Variants in COL5A3 observed in about 807,000 individuals in gnomAD.
The protein encoded by COL5A3 is collagen alpha-3(V) chain.
COL5A3 carries 172 observed loss-of-function variants against 250.0 expected under a neutral mutation model. The observed-to-expected ratio is 0.69, with a 90% CI of 0.61 to 0.78. The LOEUF is 0.78. Among genes scored for constraint, COL5A3 ranks in the 30% least tolerant of loss-of-function variants. The pLI is 0.00. For missense variants in COL5A3, 2,340 were observed against 2,334.4 expected (o/e 1.00, Z -0.05); for synonymous variants, 937 against 900.4 (o/e 1.04, Z -0.73).
chr19:9,986,619 GAC>G lies in COL5A3; in HGVS notation c.2191-15_2191-14del. 1 of 1,614,028 alleles carries G rather than the reference GAC, an allele frequency of 6.2e-7. No individual in the cohort carries two copies. Among genetic ancestry groups the G allele is most frequent in the Non-Finnish European group, 8.5e-7 (1 of 1,179,978 alleles). On this transcript the variant is annotated splice_polypyrimidine_tract_variant and intron_variant, in intron 28 of 66. Transcript: ENST00000264828. Reference sequence around the variant, plus strand: ...AGCCGTCCTCTCCCTGGGTGGGAGAGACAGAGGCCAGAAGTGAGGGCCTCGGG... The same window carrying G: ...AGCCGTCCTCTCCCTGGGTGGGAGAGAGAGGCCAGAAGTGAGGGCCTCGGG...
rs916070312 is a variant in COL5A3 at position 10,006,378 on chromosome 19, C to T, written c.89-147G>A. 1.2e-5 allele frequency: 9 copies of T among 761,088 alleles called. No homozygotes were observed. In the East Asian group the frequency reaches 2.5e-4, roughly 21 times the overall value. The allele number at this position is 761,088 out of a possible 1,614,324, so 47.1% of individuals were successfully genotyped here. On this transcript the variant is annotated intron_variant, in intron 1 of 66. Transcript: ENST00000264828. ...ATGTTTGTGGCTCAGGAAGAAGGAGCCGGCCTGGGCCCCCAGCACCCCCCG... is the reference window on the plus strand; with the variant it reads ...ATGTTTGTGGCTCAGGAAGAAGGAGTCGGCCTGGGCCCCCAGCACCCCCCG...
In COL5A3 at chr19:9,974,032, T is replaced by A. The variant is rs1370006991; in HGVS notation, c.3505-60A>T. The A allele has an allele frequency of 3.6e-5, 54 of 1,519,780 alleles. No homozygotes were observed. The East Asian group carries it at 1.1e-3, about 31-fold the overall frequency. 94.1% of individuals were successfully genotyped at this position (1,519,780 alleles called of 1,614,324 possible). A position where few individuals can be genotyped will look rare whatever the true frequency, so the allele number is the denominator to read the frequency against. On this transcript the variant is annotated intron_variant, in intron 47 of 66. Transcript: ENST00000264828. ...AGGCCCCTCTCCCCAAAAGGCCACA[T>A]TGACCACAGATACCACTGTCAATGC...
chr19:9,973,062 G>A (rs150513671), intron 50 of COL5A3, 36 bp from the exon 51 acceptor site: 159 of 1,540,332 alleles, frequency 1.0e-4, no homozygotes, highest in Non-Finnish European at 1.4e-4. Flanking sequence ...GAGTGGCCTG[G>A]ACTCTCCAGG....
At chr19:9,989,733 A>T (rs1183956665) in intron 24 of COL5A3, among the ~76,000 whole-genome samples, 1 of 152,210 alleles carries the variant, frequency 6.6e-6, no homozygotes, top group Non-Finnish European at 1.5e-5. Flanking sequence ...TGCCTCTGGG[A>T]AGGTTGCAAG....
At chr19:9,981,212 C>G in intron 32 of COL5A3, 80 bp from the exon 33 acceptor site, 1 of 1,298,806 alleles carries the variant, frequency 7.7e-7, no homozygotes, top group East Asian at 2.3e-5. Flanking sequence ...GACACCCAGT[C>G]ACAGACCCAG....
chr19:9,967,112 A>G (rs3786697), intron 62 of COL5A3, among the ~76,000 whole-genome samples: 21,553 of 152,116 alleles, frequency 0.14, 1,740 homozygotes, highest in South Asian at 0.32. Flanking sequence ...GATGGGGTCC[A>G]AGAGACAAGA....
At chr19:10,000,452 C>CTTGTTTTT (rs2087343742) in intron 8 of COL5A3, among the ~76,000 whole-genome samples, 1 of 62,762 alleles carries the variant, frequency 1.6e-5, no homozygotes, top group Non-Finnish European at 2.9e-5. Context: ...CCAGAGAGCT[C>CTTGTTTTT]TTTTTTTTTT....
intron 63 of COL5A3, 37 bp from the exon 64 acceptor site, chr19:9,966,463 G>A: frequency 6.3e-7 from 1 of 1,576,154 alleles, no homozygotes; most frequent in Non-Finnish European, 8.6e-7. Context: ...GAGTCCGGAT[G>A]GGACCCGACG....
intron 65 of COL5A3, 111 bp downstream of exon 65, chr19:9,962,708 T>A (rs550247987): frequency 2.2e-5 from 17 of 766,460 alleles, no homozygotes; most frequent in Middle Eastern, 3.6e-4. Flanking sequence ...CCTAGGAAGG[T>A]AGAGGAAAGC....
chr19:9,967,838 G>A lies in COL5A3; in HGVS notation c.4404+66C>T, dbSNP rs1292090499. On this transcript the variant is annotated intron_variant, in intron 61 of 66. Coordinates refer to ENST00000264828, the MANE Select transcript of COL5A3 (RefSeq NM_015719.4). ...ATAAATGAAGGCAGAGACGTGGAGG[G>A]TTCTGGTGCAGTGAAGGGGGTGGGG... is the stretch of plus-strand genomic sequence containing the variant. The A allele has an allele frequency of 7.3e-6, 11 of 1,496,634 alleles. No individual in the cohort carries two copies. The East Asian group carries it at 2.5e-4, about 34-fold the overall frequency. The allele number at this position is 1,496,634 out of a possible 1,614,324, so 92.7% of individuals were successfully genotyped here.
chr19:9,983,632 AGAG>A (rs2087051157), intron 31 of COL5A3, among the ~76,000 whole-genome samples: 1 of 76,370 alleles, frequency 1.3e-5, no homozygotes, highest in African/African-American at 4.3e-5. Context: ...GAAAGAAAGA[AGAG>A]AGAGAGAGAA....
At chr19:9,986,865 G>T in intron 27 of COL5A3, 107 bp from the exon 28 acceptor site, 1 of 1,223,150 alleles carries the variant, frequency 8.2e-7, no homozygotes, top group Non-Finnish European at 1.2e-6. Flanking sequence ...GAGGAGGCTA[G>T]GCAGAAGCTG....
intron 45 of COL5A3, among the ~76,000 whole-genome samples, chr19:9,974,872 T>C (rs115595287): frequency 0.011 from 1,665 of 152,016 alleles, 34 homozygotes; most frequent in African/African-American, 0.038. Flanking sequence ...CTTTTGTTTG[T>C]TTGTTTGTTT....
chr19:10,001,854 T>C lies in COL5A3; in HGVS notation c.877A>G (p.Thr293Ala), dbSNP rs1166347038. The change falls in exon 7 of 67, where the codon ACT becomes GCT. Residue 293 changes from threonine to alanine, a missense_variant. By Grantham distance (58) the Thr-to-Ala change is moderately conservative (BLOSUM62 0). This residue lies in a region of COL5A3 where 1,152 missense variants were observed against 1,146.3 expected (regional missense o/e 1.00). Coordinates refer to ENST00000264828, the MANE Select transcript of COL5A3 (RefSeq NM_015719.4). ...QTSTDIPKTE[T>A]PAPNLPPTPT... Reference sequence around the variant, plus strand: ...GTCGGAGGCAGATTTGGAGCTGGAGTCTCTGTCTTGGGGATGTCAGTGGAG... The same window carrying C: ...GTCGGAGGCAGATTTGGAGCTGGAGCCTCTGTCTTGGGGATGTCAGTGGAG... The C allele has an allele frequency of 1.2e-6, 2 of 1,613,434 alleles. No individual in the cohort carries two copies. The highest frequency in any genetic ancestry group is 3.3e-5 in the Admixed American group (2 of 59,970).
At chr19:9,971,423 G>A (rs1043435247) in intron 51 of COL5A3, among the ~76,000 whole-genome samples, 165 bp from the exon 52 acceptor site, 6 of 151,952 alleles carry the variant, frequency 3.9e-5, no homozygotes, top group African/African-American at 1.5e-4. Flanking sequence ...GTGTTTCATG[G>A]GTGCAGACGC....
chr19:10,001,822 C>T lies in COL5A3; in HGVS notation c.909G>A (p.Thr303=), dbSNP rs538183811. The change falls in exon 7 of 67, where the codon ACG becomes ACA. Residue 303 remains threonine, a synonymous_variant. Transcript: ENST00000264828. ...TCACAGTGGAGGTGACGACCAAAGG[C>T]GTGGGGGTCGGAGGCAGATTTGGAG... The part of the protein sequence containing the change: ...TPAPNLPPTP[T]PLVVTSTVTT... 122 of 1,614,066 alleles carry T rather than the reference C, an allele frequency of 7.6e-5. 1 individual carries two copies. The highest frequency in any genetic ancestry group is 2.2e-4 in the Admixed American group (13 of 60,002).
intron 53 of COL5A3, 72 bp downstream of exon 53, chr19:9,970,902 GC>G (rs1302114017): frequency 1.1e-5 from 15 of 1,306,412 alleles, no homozygotes; most frequent in South Asian, 4.6e-5. Context: ...CCACTCCCCT[GC>G]CCCCCCAATT....
chr19:9,997,948 G>T, intron 10 of COL5A3, 36 bp downstream of exon 10: 2 of 1,612,718 alleles, frequency 1.2e-6, no homozygotes, highest in Non-Finnish European at 1.7e-6. Context: ...AGCTGGAAGG[G>T]AAAGACTGGA....
chr19:9,989,592 C>G, intron 24 of COL5A3, 70 bp from the exon 25 acceptor site: 1 of 1,358,876 alleles, frequency 7.4e-7, no homozygotes, highest in Admixed American at 2.2e-5. Context: ...AGGATCTACG[C>G]AGACATGCAG....
Sources: gnomAD v4.1 joint callset for allele counts (sites outside exome capture counted in the v4.1 genomes callset) on GRCh38, gnomAD v4.1.1 for gene constraint, gnomAD v4.1.1 regional missense constraint, MANE v1.5 for transcripts, NCBI Gene and HGNC (gene_info 2026-07-23, HGNC 2026-07-21) for gene names.